The following RPA2 variants were observed in gnomAD, a reference collection of about 807,000 sequenced individuals.
The protein encoded by RPA2 is replication protein A 32 kDa subunit.
RPA2 carries 22 observed loss-of-function variants against 33.4 expected under a neutral mutation model. The ratio of observed to expected loss-of-function variants is 0.66; its 90% CI spans 0.47 to 0.94. RPA2 has a LOEUF of 0.94. Ranked by LOEUF, RPA2 falls within the 40% of genes least tolerant of loss-of-function variation. The pLI is 0.00. For synonymous variants in RPA2, 109 were observed against 114.9 expected, an observed-to-expected ratio of 0.95 and a Z score of 0.33; for missense variants, 279 against 329.9, an observed-to-expected ratio of 0.85 and a Z score of 1.19.
At chr1:27,892,526 GT>G (rs2089837678) in intron 8 of RPA2, among the ~76,000 whole-genome samples, 1 of 152,182 alleles carries the variant, frequency 6.6e-6, no homozygotes. Context: ...CTTAAATACA[GT>G]CTAAGCAGGA....
intron 4 of RPA2, among the ~76,000 whole-genome samples, chr1:27,899,960 G>GT (rs2089947023): frequency 6.6e-6 from 1 of 152,086 alleles, no homozygotes; most frequent in Non-Finnish European, 1.5e-5. Flanking sequence ...GATTACAGGC[G>GT]TGAGCCACGG....
chr1:27,904,245 ATCC>A (rs1292697657), intron 4 of RPA2, among the ~76,000 whole-genome samples: 1 of 152,126 alleles, frequency 6.6e-6, no homozygotes, highest in Non-Finnish European at 1.5e-5. Context: ...ATAGCATATT[ATCC>A]CTTCTACAGT....
At chr1:27,907,111 A>G in intron 3 of RPA2, 70 bp from the exon 4 acceptor site, 3 of 1,573,662 alleles carry the variant, frequency 1.9e-6, no homozygotes, top group Admixed American at 1.9e-5. Context: ...ACATTTTTGT[A>G]TTTTTTAATG....
intron 2 of RPA2, among the ~76,000 whole-genome samples, chr1:27,912,415 G>A (rs956071819): frequency 4.6e-5 from 7 of 151,044 alleles, no homozygotes; most frequent in Admixed American, 2.0e-4. Flanking sequence ...GCCTGACACC[G>A]CAGTGAACAT....
Position 27,914,101 on chromosome 1 carries a change from AG to A in RPA2, c.78del (p.Phe27LeufsTer68). On this transcript the variant is annotated frameshift_variant, in exon 2 of 9. Transcript: ENST00000373912. LOFTEE classifies it high-confidence loss of function. ...GAGGYTQSPG[G>X]FGSPAPSQAE... Reference sequence around the variant, plus strand: ...GCTTGAGAAGGTGCGGGCGATCCAAAGCCCCCCGGGGACTGCGTGTAGCCGC... The same window carrying A: ...GCTTGAGAAGGTGCGGGCGATCCAAACCCCCCGGGGACTGCGTGTAGCCGC... 6.2e-7 allele frequency: 1 copy of A among 1,608,474 alleles called. No homozygotes were observed. The highest frequency in any genetic ancestry group is 8.5e-7 in the Non-Finnish European group (1 of 1,178,210).
chr1:27,908,192 C>T (rs2090054526), intron 2 of RPA2, among the ~76,000 whole-genome samples: 1 of 152,050 alleles, frequency 6.6e-6, no homozygotes, highest in Non-Finnish European at 1.5e-5. Context: ...AGTGGCATTA[C>T]AGCTCACTGC....
intron 4 of RPA2, among the ~76,000 whole-genome samples, chr1:27,902,740 TTG>T: frequency 6.6e-6 from 1 of 151,924 alleles, no homozygotes; most frequent in South Asian, 2.1e-4. Context: ...ACCCAGGAGT[TTG>T]AGACCAGCCT....
At chr1:27,910,824 G>A (rs2090087217) in intron 2 of RPA2, among the ~76,000 whole-genome samples, 1 of 152,074 alleles carries the variant, frequency 6.6e-6, no homozygotes, top group South Asian at 2.1e-4. Context: ...CTGCACCACT[G>A]CACTCCAGCG....
intron 8 of RPA2, among the ~76,000 whole-genome samples, chr1:27,892,693 C>A (rs1209612317): frequency 6.6e-6 from 1 of 152,194 alleles, no homozygotes; most frequent in Non-Finnish European, 1.5e-5. Context: ...CACTCTGAAA[C>A]CTTCAAACCC....
chr1:27,901,158 T>C (rs984213880), intron 4 of RPA2, among the ~76,000 whole-genome samples: 4 of 152,170 alleles, frequency 2.6e-5, no homozygotes, highest in Non-Finnish European at 5.9e-5. Context: ...AGAAATTTTA[T>C]GTGAAAAGGA....
At chr1:27,907,626 G>A (rs759168394) in intron 2 of RPA2, among the ~76,000 whole-genome samples, 1 of 152,212 alleles carries the variant, frequency 6.6e-6, no homozygotes. Flanking sequence ...CAGCTTTAGG[G>A]TGTAGACAGG....
chr1:27,894,121 C>A lies in RPA2; in HGVS notation c.634-15G>T, dbSNP rs748626786. On this transcript the variant is annotated splice_polypyrimidine_tract_variant and intron_variant, in intron 7 of 8. Coordinates refer to ENST00000373912, the MANE Select transcript of RPA2 (RefSeq NM_002946.5). The stretch of plus-strand genomic sequence containing the variant: ...AAATTCAACACCTGAAGATTCAAAT[C>A]AGAAAGATTTTAGCAATTATTTTGG... 1.6e-5 allele frequency: 26 copies of A among 1,610,280 alleles called. No individual in the cohort carries two copies. Among genetic ancestry groups the A allele is most frequent in the Non-Finnish European group, 2.2e-5 (26 of 1,176,788 alleles).
Position 27,896,990 on chromosome 1 carries a change from A to G in RPA2, c.525+15T>C. ...TCCAGGGAAGAGAAAAAGCTAGGAA[A>G]GCGAGACTACTCACCTGGCTGTTGG... On this transcript the variant is annotated intron_variant, in intron 6 of 8. Coordinates refer to ENST00000373912, the MANE Select transcript of RPA2 (RefSeq NM_002946.5). The G allele has an allele frequency of 1.3e-6, 2 of 1,572,850 alleles. No homozygotes were observed. The highest frequency in any genetic ancestry group is 1.2e-5 in the South Asian group (1 of 86,220).
At chr1:27,897,928 T>C (rs2089913326) in intron 4 of RPA2, among the ~76,000 whole-genome samples, 1 of 152,260 alleles carries the variant, frequency 6.6e-6, no homozygotes, top group Non-Finnish European at 1.5e-5. Context: ...TCCAAAGTTC[T>C]GTAGCACATC....
intron 2 of RPA2, among the ~76,000 whole-genome samples, chr1:27,909,457 C>T (rs978109458): frequency 6.6e-5 from 10 of 152,140 alleles, no homozygotes; most frequent in African/African-American, 2.4e-5. Flanking sequence ...GTGGGTAACG[C>T]CTGTAATCCC....
Position 27,914,438 on chromosome 1 carries a change from C to G in RPA2, c.6G>C (p.Trp2Cys). 2 of 1,600,488 alleles carry G rather than the reference C, an allele frequency of 1.2e-6. No individual in the cohort carries two copies. Among genetic ancestry groups the G allele is most frequent in the Non-Finnish European group, 1.7e-6 (2 of 1,172,290 alleles). ...ACCCCGCACCCCCATCATTACTGTT[C>G]CACATCTTGGTCACGATTCTCCGCA... is the stretch of plus-strand genomic sequence containing the variant. MWNSGFESYGSS... is the reference protein window; with the variant it reads MCNSGFESYGSS... The change falls in exon 1 of 9, where the codon TGG (tryptophan) becomes TGC (cysteine). Residue 2 changes from tryptophan (W) to cysteine (C), a missense_variant. Coordinates refer to ENST00000373912, the MANE Select transcript of RPA2 (RefSeq NM_002946.5).
upstream of RPA2, chr1:27,914,594 C>T (rs539876273): frequency 1.7e-5 from 28 of 1,613,704 alleles, no homozygotes; most frequent in East Asian, 6.0e-4. Flanking sequence ...CAGTCAGCTC[C>T]CGGGGTGCTC....
chr1:27,897,613 T>C lies in RPA2; in HGVS notation c.408+20A>G. 1 of 1,571,912 alleles carries C rather than the reference T, an allele frequency of 6.4e-7. No individual in the cohort carries two copies. Among genetic ancestry groups the C allele is most frequent in the Non-Finnish European group, 8.6e-7 (1 of 1,156,500 alleles). ...GCTTCATGCAAAAACACTTTAACTG[T>C]TATTTTATTCTGACTTTACCTGAAA... On this transcript the variant is annotated intron_variant, in intron 5 of 8. Transcript: ENST00000373912.
intron 6 of RPA2, 52 bp downstream of exon 6, chr1:27,896,953 A>T (rs2089899651): frequency 7.5e-7 from 1 of 1,342,136 alleles, no homozygotes; most frequent in African/African-American, 1.5e-5. Context: ...ACACAAAAGT[A>T]GCCTGTGTTC....
Sources: allele counts gnomAD v4.1 joint callset (sites outside exome capture counted in the v4.1 genomes callset), GRCh38; gene constraint gnomAD v4.1.1; transcripts MANE v1.5; gene names NCBI Gene and HGNC (gene_info 2026-07-23, HGNC 2026-07-21).